The following GPR139 variants were observed in gnomAD, a reference collection of about 807,000 sequenced individuals.
GPR139 encodes the protein probable G protein-coupled receptor 139.
Under a neutral mutation model 25.8 loss-of-function variants are expected in GPR139, and 12 were observed. The ratio of observed to expected loss-of-function variants is 0.47; its 90% CI spans 0.30 to 0.75. The LOEUF (loss-of-function observed/expected upper bound fraction) is 0.75. Among genes scored for constraint, GPR139 ranks in the 30% least tolerant of loss-of-function variants. The pLI is 0.07. For missense variants in GPR139, 380 were observed against 450.2 expected (o/e 0.84, Z 1.41); for synonymous variants, 184 against 179.9 (o/e 1.02, Z -0.18).
intron 1 of GPR139, among the ~76,000 whole-genome samples, chr16:20,063,173 G>A (rs1902815): frequency 0.28 from 42,615 of 152,022 alleles, 6,842 homozygotes; most frequent in South Asian, 0.45. Context: ...TCTATTGGAC[G>A]GCACGTGTAT....
chr16:20,037,809 T>TG (rs1160430260), intron 1 of GPR139, among the ~76,000 whole-genome samples: 6 of 152,218 alleles, frequency 3.9e-5, no homozygotes, highest in Non-Finnish European at 7.3e-5. Flanking sequence ...ATGCGTTTCC[T>TG]GTTCCTTGGG....
intron 1 of GPR139, among the ~76,000 whole-genome samples, chr16:20,033,591 C>A (rs2057299456): frequency 6.6e-6 from 1 of 152,006 alleles, no homozygotes; most frequent in Non-Finnish European, 1.5e-5. Flanking sequence ...TAGGACCTTT[C>A]CTTTTTAAGT....
At chr16:20,059,007 T>C (rs2057401205) in intron 1 of GPR139, among the ~76,000 whole-genome samples, 1 of 152,116 alleles carries the variant, frequency 6.6e-6, no homozygotes, top group Admixed American at 6.5e-5. Context: ...CTATATTTTA[T>C]GTGGAGTCTG....
At chr16:20,051,274 T>A (rs1456101263) in intron 1 of GPR139, among the ~76,000 whole-genome samples, 1 of 152,062 alleles carries the variant, frequency 6.6e-6, no homozygotes, top group Non-Finnish European at 1.5e-5. Context: ...TGCTGAGAGG[T>A]AACAACCTCC....
intron 1 of GPR139, among the ~76,000 whole-genome samples, chr16:20,036,303 G>A (rs911490010): frequency 6.6e-6 from 1 of 152,174 alleles, no homozygotes; most frequent in African/African-American, 2.4e-5. Context: ...AAGAGTGCAG[G>A]ATCTGGGGCT....
intron 1 of GPR139, among the ~76,000 whole-genome samples, chr16:20,039,778 C>T (rs931271934): frequency 3.3e-5 from 5 of 152,176 alleles, no homozygotes; most frequent in African/African-American, 1.2e-4. Context: ...AGGGGAAAGT[C>T]TGTCAAAACC....
At chr16:20,050,926 A>C (rs1376790923) in intron 1 of GPR139, among the ~76,000 whole-genome samples, 1 of 151,930 alleles carries the variant, frequency 6.6e-6, no homozygotes, top group Non-Finnish European at 1.5e-5. Flanking sequence ...AGCCAGGTGC[A>C]GTGTCAAGTG....
In GPR139 at chr16:20,031,665, G is replaced by T; in HGVS notation, c.*70C>A. Reference sequence around the variant, plus strand: ...TAGCACTCTTAAGGAGAGCTGCTCAGCCATAGGATGGGACACCTTCCCATC... The same window carrying T: ...TAGCACTCTTAAGGAGAGCTGCTCATCCATAGGATGGGACACCTTCCCATC... On this transcript the variant is annotated 3_prime_UTR_variant, in exon 2 of 2. Transcript: ENST00000570682. The T allele has an allele frequency of 1.6e-6, 2 of 1,221,120 alleles. No homozygotes were observed. The highest frequency in any genetic ancestry group is 2.4e-6 in the Non-Finnish European group (2 of 837,426). The allele number at this position is 1,221,120 out of a possible 1,614,324, so 75.6% of individuals were successfully genotyped here.
intron 1 of GPR139, among the ~76,000 whole-genome samples, chr16:20,052,305 T>C (rs1198045889): frequency 6.6e-6 from 1 of 152,184 alleles, no homozygotes; most frequent in Non-Finnish European, 1.5e-5. Context: ...AACTTCCTTT[T>C]TCCTCTGCGA....
chr16:20,073,356 C>T lies in GPR139; in HGVS notation c.127+134G>A, dbSNP rs2057467347. On this transcript the variant is annotated intron_variant, in intron 1 of 1. Coordinates refer to ENST00000570682, the MANE Select transcript of GPR139 (RefSeq NM_001002911.4). This position sits in a 1 kb window ranked among gnomAD's most constrained non-coding sequence, Gnocchi z 4.7. Reference sequence around the variant, plus strand: ...TCCTTTCCCCCCGTGTGGAAATATCCATAGTTGCCCTTAAAGCTTAAACTT... The same window carrying T: ...TCCTTTCCCCCCGTGTGGAAATATCTATAGTTGCCCTTAAAGCTTAAACTT... 1.5e-6 allele frequency: 2 copies of T among 1,302,216 alleles called. No homozygotes were observed. Among genetic ancestry groups the T allele is most frequent in the South Asian group, 2.7e-5 (2 of 72,766 alleles). 80.7% of individuals were successfully genotyped at this position (1,302,216 alleles called of 1,614,324 possible).
At chr16:20,062,428 T>G (rs913339727) in intron 1 of GPR139, among the ~76,000 whole-genome samples, 2 of 152,234 alleles carry the variant, frequency 1.3e-5, no homozygotes, top group African/African-American at 4.8e-5. Context: ...TCTGGCACCC[T>G]GATCTCAGAC....
intron 1 of GPR139, among the ~76,000 whole-genome samples, chr16:20,048,815 G>C (rs896389915): frequency 1.2e-4 from 19 of 152,108 alleles, no homozygotes; most frequent in Admixed American, 8.5e-4. Context: ...AACCCACAAG[G>C]TACCTCCCGC....
intron 1 of GPR139, among the ~76,000 whole-genome samples, chr16:20,042,401 C>T (rs1478854108): frequency 1.3e-5 from 2 of 152,146 alleles, no homozygotes; most frequent in African/African-American, 4.8e-5. Context: ...TAGCTTCTCC[C>T]CATGGCACAT....
chr16:20,064,535 C>T (rs112917624), intron 1 of GPR139, among the ~76,000 whole-genome samples: 3,635 of 152,258 alleles, frequency 0.024, 133 homozygotes, highest in African/African-American at 0.077. Flanking sequence ...CACTGGGACT[C>T]TGCCTCAAAC....
At chr16:20,066,527 G>A (rs908633601) in intron 1 of GPR139, among the ~76,000 whole-genome samples, 1 of 152,222 alleles carries the variant, frequency 6.6e-6, no homozygotes, top group Admixed American at 6.5e-5. Flanking sequence ...TCCACTTTGA[G>A]TGAAATTGTG....
chr16:20,045,639 T>A (rs1246573817), intron 1 of GPR139, among the ~76,000 whole-genome samples: 2 of 152,156 alleles, frequency 1.3e-5, no homozygotes, highest in Non-Finnish European at 2.9e-5. Flanking sequence ...AGGATCAATT[T>A]CAGAGCAGTC....
chr16:20,062,750 A>T (rs2057418338), intron 1 of GPR139, among the ~76,000 whole-genome samples: 1 of 152,248 alleles, frequency 6.6e-6, no homozygotes, highest in Admixed American at 6.5e-5. Flanking sequence ...CCTAGTAGTC[A>T]CGTTAATAAA....
At chr16:20,046,419 T>C (rs1264363017) in intron 1 of GPR139, among the ~76,000 whole-genome samples, 2 of 152,188 alleles carry the variant, frequency 1.3e-5, no homozygotes, top group Non-Finnish European at 2.9e-5. Context: ...GTGGCTTGGG[T>C]AAGTTTCTCA....
chr16:20,058,432 G>A (rs888671763), intron 1 of GPR139, among the ~76,000 whole-genome samples: 3 of 152,086 alleles, frequency 2.0e-5, no homozygotes, highest in African/African-American at 7.3e-5. Flanking sequence ...GCAAGGCAGG[G>A]AACAGAAGCG....
Sources: allele counts gnomAD v4.1 joint callset (sites outside exome capture counted in the v4.1 genomes callset), GRCh38; gene constraint gnomAD v4.1.1; non-coding constraint Gnocchi (gnomAD v3.1); transcripts MANE v1.5; gene names NCBI Gene and HGNC (gene_info 2026-07-23, HGNC 2026-07-21).